Variants in RBMS1 observed in about 807,000 individuals in gnomAD.
RBMS1 encodes RNA-binding motif, single-stranded-interacting protein 1.
In RBMS1, 17 loss-of-function variants were observed where a neutral mutation model predicts 62.3. The ratio of observed to expected loss-of-function variants is 0.27; its 90% CI spans 0.19 to 0.41. The LOEUF (loss-of-function observed/expected upper bound fraction) is 0.41, where lower values mean the gene tolerates loss of function less well. Among genes scored for constraint, RBMS1 ranks in the 10% least tolerant of loss-of-function variants. The probability of loss-of-function intolerance (pLI) is 1.00; values close to 1 mark genes in which losing one functional copy is unlikely to be tolerated. For missense variants in RBMS1, 334 were observed against 504.5 expected, an observed-to-expected ratio of 0.66 and a Z score of 3.24; for synonymous variants, 172 against 170.0, an observed-to-expected ratio of 1.01 and a Z score of -0.09.
At chr2:160,301,093 G>A (rs1354761224) in intron 5 of RBMS1, among the ~76,000 whole-genome samples, 1 of 151,300 alleles carries the variant, frequency 6.6e-6, no homozygotes, top group East Asian at 2.0e-4. Flanking sequence ...AAAATACTAG[G>A]GTATTTTCTA....
At chr2:160,374,096 G>A (rs1206070338) in intron 1 of RBMS1, among the ~76,000 whole-genome samples, 5 of 151,936 alleles carry the variant, frequency 3.3e-5, no homozygotes, top group Middle Eastern at 6.8e-3. Flanking sequence ...AACATAGCAG[G>A]ACCCTGACTC....
intron 9 of RBMS1, chr2:160,282,722 G>A (rs1688168833): frequency 6.2e-6 from 1 of 160,358 alleles, no homozygotes; most frequent in Admixed American, 6.1e-5. Flanking sequence ...TTTACTATTG[G>A]TTCTTAACCT....
chr2:160,458,680 G>A (rs373824201), intron 1 of RBMS1, among the ~76,000 whole-genome samples: 5 of 152,056 alleles, frequency 3.3e-5, no homozygotes, highest in South Asian at 2.1e-4. Context: ...GCCAATAATC[G>A]CAGTTACTCC....
intron 1 of RBMS1, among the ~76,000 whole-genome samples, chr2:160,439,764 C>CT (rs1683318557): frequency 6.6e-6 from 1 of 152,238 alleles, no homozygotes; most frequent in Non-Finnish European, 1.5e-5. Context: ...GCCTGGGCAC[C>CT]ACTGAGCACT....
chr2:160,444,601 G>C (rs1363578683), intron 1 of RBMS1, among the ~76,000 whole-genome samples: 1 of 152,216 alleles, frequency 6.6e-6, no homozygotes, highest in Admixed American at 6.5e-5. Context: ...TCTGACTCCA[G>C]AACCCACTGC....
At chr2:160,392,899 G>C (rs973174585) in intron 1 of RBMS1, among the ~76,000 whole-genome samples, 1 of 148,992 alleles carries the variant, frequency 6.7e-6, no homozygotes, top group African/African-American at 2.5e-5. Context: ...CCTGTCTCAA[G>C]AAAAAAAAAG....
chr2:160,288,587 T>C (rs1688525279), intron 6 of RBMS1, among the ~76,000 whole-genome samples: 1 of 152,174 alleles, frequency 6.6e-6, no homozygotes, highest in East Asian at 1.9e-4. Flanking sequence ...ACTATGGGTA[T>C]GACGAGTCAG....
At chr2:160,315,454 C>G (rs756065141) in intron 3 of RBMS1, among the ~76,000 whole-genome samples, 2 of 152,174 alleles carry the variant, frequency 1.3e-5, no homozygotes, top group Non-Finnish European at 2.9e-5. Flanking sequence ...GAATTCCTCT[C>G]AGGTTTCAGG....
intron 2 of RBMS1, among the ~76,000 whole-genome samples, chr2:160,328,178 C>G (rs1403794174): frequency 6.6e-6 from 1 of 152,122 alleles, no homozygotes; most frequent in Non-Finnish European, 1.5e-5. Context: ...TAATGTCTCC[C>G]TCACAGCACT....
At chr2:160,357,989 G>A (rs777001285) in intron 2 of RBMS1, among the ~76,000 whole-genome samples, 3 of 152,090 alleles carry the variant, frequency 2.0e-5, no homozygotes, top group Non-Finnish European at 2.9e-5. Flanking sequence ...TGTCAAAGAA[G>A]TACTGTACAT....
intron 1 of RBMS1, among the ~76,000 whole-genome samples, chr2:160,424,793 G>T (rs552269941): frequency 6.6e-6 from 1 of 152,086 alleles, no homozygotes; most frequent in South Asian, 2.1e-4. Context: ...AAAATAAAAG[G>T]CAGCAAAGGG....
intron 1 of RBMS1, among the ~76,000 whole-genome samples, chr2:160,381,400 T>C (rs1390794897): frequency 2.0e-5 from 3 of 152,200 alleles, no homozygotes; most frequent in African/African-American, 4.8e-5. Flanking sequence ...AGCATGACAA[T>C]TTCTGGAAAA....
At chr2:160,424,181 G>A (rs535255094) in intron 1 of RBMS1, among the ~76,000 whole-genome samples, 2 of 151,936 alleles carry the variant, frequency 1.3e-5, no homozygotes, top group South Asian at 2.1e-4. Context: ...ACCACACGCT[G>A]GCTAATTTTT....
chr2:160,346,168 T>TTG (rs138858049), intron 2 of RBMS1, among the ~76,000 whole-genome samples: 2,159 of 152,296 alleles, frequency 0.014, 62 homozygotes, highest in African/African-American at 0.048. Flanking sequence ...TTGACCTCTT[T>TTG]TGTTCTGGGT....
At chr2:160,365,892 G>A (rs950763172) in intron 2 of RBMS1, among the ~76,000 whole-genome samples, 2 of 152,212 alleles carry the variant, frequency 1.3e-5, no homozygotes, top group Non-Finnish European at 2.9e-5. Flanking sequence ...AGGGCAGGGC[G>A]TGCCTGGCAG....
intron 2 of RBMS1, among the ~76,000 whole-genome samples, chr2:160,365,062 T>C (rs1693325019): frequency 6.6e-6 from 1 of 152,206 alleles, no homozygotes; most frequent in Non-Finnish European, 1.5e-5. Flanking sequence ...ATAAGGTTCT[T>C]GTCACTTCTA....
At chr2:160,280,787 C>T (rs886701346) in intron 10 of RBMS1, among the ~76,000 whole-genome samples, 2 of 149,554 alleles carry the variant, frequency 1.3e-5, no homozygotes, top group East Asian at 2.1e-4. Context: ...ACATGAAATA[C>T]ACTATATAAT....
intron 2 of RBMS1, among the ~76,000 whole-genome samples, chr2:160,363,248 C>T (rs927085000): frequency 6.6e-6 from 1 of 152,162 alleles, no homozygotes; most frequent in Non-Finnish European, 1.5e-5. Context: ...GGTGACAAAT[C>T]TGTTTAAGAT....
At chr2:160,441,159 G>A (rs1015138256) in intron 1 of RBMS1, among the ~76,000 whole-genome samples, 3 of 152,176 alleles carry the variant, frequency 2.0e-5, no homozygotes, top group Admixed American at 6.5e-5. Flanking sequence ...CTTTCACTTG[G>A]AGTGTTTTTG....
Sources: allele counts gnomAD v4.1 joint callset (sites outside exome capture counted in the v4.1 genomes callset), GRCh38; gene constraint gnomAD v4.1.1; transcripts MANE v1.5; gene names NCBI Gene and HGNC (gene_info 2026-07-23, HGNC 2026-07-21).